Variants in LINGO1 observed in about 807,000 individuals in gnomAD.
The protein encoded by LINGO1 is leucine rich repeat and Ig domain containing 1, also known as leucine-rich repeat and immunoglobulin-like domain-containing nogo receptor-interacting protein 1.
A neutral mutation model predicts 37.3 loss-of-function variants in LINGO1; 11 were observed. The observed-to-expected ratio is 0.29, with a 90% CI of 0.19 to 0.49. The LOEUF is 0.49. Ranked by LOEUF, LINGO1 falls within the 20% of genes least tolerant of loss-of-function variation. The pLI is 0.99. For synonymous variants in LINGO1, 387 were observed against 403.0 expected (o/e 0.96, Z 0.48); for missense variants, 585 against 878.2 (o/e 0.67, Z 4.22).
chr15:77,778,602 T>C (rs988225233), intron 1 of LINGO1, among the ~76,000 whole-genome samples: 1 of 152,142 alleles, frequency 6.6e-6, no homozygotes, highest in African/African-American at 2.4e-5. Flanking sequence ...GCCAATTCTT[T>C]CTCTCATCCT....
At chr15:77,704,810 C>T (rs1481221103) in intron 2 of LINGO1, among the ~76,000 whole-genome samples, 1 of 152,156 alleles carries the variant, frequency 6.6e-6, no homozygotes, top group African/African-American at 2.4e-5. Context: ...TGTGTTCTGA[C>T]CCTGCATACA....
At chr15:77,662,366 T>A (rs1197722803) in intron 3 of LINGO1, among the ~76,000 whole-genome samples, 1 of 152,062 alleles carries the variant, frequency 6.6e-6, no homozygotes, top group African/African-American at 2.4e-5. Flanking sequence ...GGAGGAAGGA[T>A]GGGGTTGGCT....
At chr15:77,650,663 G>A (rs979575633) in intron 3 of LINGO1, among the ~76,000 whole-genome samples, 3 of 152,228 alleles carry the variant, frequency 2.0e-5, no homozygotes, top group Admixed American at 2.0e-4. Context: ...CAGTAGAGGG[G>A]CTAGGCCAGG....
At chr15:77,653,710 GAAGCAA>G (rs2074810775) in intron 3 of LINGO1, among the ~76,000 whole-genome samples, 1 of 152,002 alleles carries the variant, frequency 6.6e-6, no homozygotes, top group African/African-American at 2.4e-5. Context: ...CTCTACCCCA[GAAGCAA>G]AAGTCTTCCT....
chr15:77,742,796 C>A (rs2076277598), intron 1 of LINGO1, among the ~76,000 whole-genome samples: 1 of 152,150 alleles, frequency 6.6e-6, no homozygotes. Context: ...TTGGCAGAGA[C>A]TGTAGAAGAG....
chr15:77,634,082 G>A (rs1436948568), upstream of LINGO1, among the ~76,000 whole-genome samples: 1 of 152,144 alleles, frequency 6.6e-6, no homozygotes, highest in Non-Finnish European at 1.5e-5. Context: ...TGGGGGAGGG[G>A]ATCTAGCCCA....
In LINGO1 at chr15:77,807,030, C is replaced by A. The variant is rs554129696; in HGVS notation, c.-457-10977G>T. Among the ~76,000 whole-genome samples the A allele has an allele frequency of 2.0e-5, 3 of 152,340 alleles. No individual in the cohort carries two copies. In the South Asian group the frequency reaches 6.2e-4, roughly 32 times the overall value. ...AGGCCCATCTGGGCAGCCTCGGCTC[C>A]AGCCACACCCAGCTTCTCAGAGGTC... On this transcript the variant is annotated intron_variant, in intron 1 of 5. Transcript: ENST00000562933.
rs193151011 is a variant in LINGO1, at chr15:77,794,809, C to T, written c.-343+1130G>A. Among the ~76,000 whole-genome samples the T allele has an allele frequency of 2.2e-4, 34 of 152,004 alleles. No homozygotes were observed. The East Asian group carries it at 2.7e-3, about 12-fold the overall frequency. On this transcript the variant is annotated intron_variant, in intron 2 of 5. Coordinates refer to the LINGO1 transcript ENST00000562933. ...GTTTTACCATGTTAGCCAGGATGGT[C>T]TCGATCTCCTGACCTTGTGATCTGC...
chr15:77,761,935 G>A (rs904444097), intron 1 of LINGO1, among the ~76,000 whole-genome samples: 19 of 152,232 alleles, frequency 1.2e-4, no homozygotes, highest in African/African-American at 4.6e-4. Context: ...GTGATGGAGT[G>A]AGGCCGGGAT....
chr15:77,795,646 G>A (rs77643317), intron 2 of LINGO1, among the ~76,000 whole-genome samples: 8,346 of 152,276 alleles, frequency 0.055, 346 homozygotes, highest in Non-Finnish European at 0.083. Flanking sequence ...CAGGACCAAG[G>A]ACAGAGCCCT....
In LINGO1 at chr15:77,615,835, C is replaced by A; in HGVS notation, c.72G>T (p.Gln24His). The A allele has an allele frequency of 1.3e-6, 2 of 1,516,144 alleles. No homozygotes were observed. Among genetic ancestry groups the A allele is most frequent in the South Asian group, 1.3e-5 (1 of 78,254 alleles). 93.9% of individuals were successfully genotyped at this position (1,516,144 alleles called of 1,614,324 possible). The change falls in exon 2 of 2, where the codon CAG (glutamine) becomes CAT (histidine). Residue 24 changes from glutamine to histidine, a missense_variant. By Grantham distance (24) the Gln-to-His change is conservative. Transcript: ENST00000355300. ...AGCCCAGCACCAGCAGGAGGATGGGCTGCCAGCAGGCCAGGAGGGGGCTGG... is the reference window on the plus strand; with the variant it reads ...AGCCCAGCACCAGCAGGAGGATGGGATGCCAGCAGGCCAGGAGGGGGCTGG... The part of the protein sequence containing the change: ...SMPSPLLACW[Q>H]PILLLVLGSV...
intron 1 of LINGO1, among the ~76,000 whole-genome samples, chr15:77,775,862 G>A (rs898152751): frequency 3.9e-5 from 6 of 152,232 alleles, no homozygotes; most frequent in Admixed American, 2.0e-4. Context: ...ACACAGCAGC[G>A]GGCACCCCAC....
At chr15:77,769,777 G>C (rs1051162497) in intron 1 of LINGO1, among the ~76,000 whole-genome samples, 1 of 152,164 alleles carries the variant, frequency 6.6e-6, no homozygotes, top group Non-Finnish European at 1.5e-5. Context: ...AAAAGGAGAC[G>C]GGGAGGGAGG....
At chr15:77,749,321 C>T (rs896931059) in intron 1 of LINGO1, among the ~76,000 whole-genome samples, 1 of 152,024 alleles carries the variant, frequency 6.6e-6, no homozygotes, top group Non-Finnish European at 1.5e-5. Context: ...ACAGGAAGCA[C>T]TGTCAGAAAA....
chr15:77,814,804 G>C (rs1030960456), intron 1 of LINGO1, among the ~76,000 whole-genome samples: 1 of 152,202 alleles, frequency 6.6e-6, no homozygotes, highest in Non-Finnish European at 1.5e-5. Flanking sequence ...CAAAGTCTCA[G>C]AGTTTCAGAA....
intron 1 of LINGO1, among the ~76,000 whole-genome samples, chr15:77,757,785 C>A: frequency 6.6e-6 from 1 of 152,206 alleles, no homozygotes; most frequent in East Asian, 1.9e-4. Flanking sequence ...TAAGCAAGGG[C>A]TGGCTGGAAT....
At chr15:77,796,417 T>C (rs957970211) in intron 1 of LINGO1, among the ~76,000 whole-genome samples, 1 of 152,170 alleles carries the variant, frequency 6.6e-6, no homozygotes, top group Non-Finnish European at 1.5e-5. Context: ...TCTCCCACCA[T>C]CCGGCTCTGT....
intron 1 of LINGO1, among the ~76,000 whole-genome samples, chr15:77,755,911 C>T (rs1033038130): frequency 1.3e-5 from 2 of 152,218 alleles, no homozygotes; most frequent in African/African-American, 4.8e-5. Flanking sequence ...AAGGCTGATC[C>T]AGCCCAATGT....
intron 2 of LINGO1, among the ~76,000 whole-genome samples, chr15:77,708,797 C>A (rs555340174): frequency 6.6e-6 from 1 of 152,134 alleles, no homozygotes; most frequent in Non-Finnish European, 1.5e-5. Context: ...CCCAGCTACT[C>A]GGGAGATTAC....
Sources: gnomAD v4.1 joint callset for allele counts (sites outside exome capture counted in the v4.1 genomes callset) on GRCh38, gnomAD v4.1.1 for gene constraint, MANE v1.5 for transcripts, NCBI Gene and HGNC (gene_info 2026-07-23, HGNC 2026-07-21) for gene names.